MCF2L2: variants seen among roughly 807,000 people sequenced by gnomAD.
MCF2L2 encodes probable guanine nucleotide exchange factor MCF2L2.
MCF2L2 carries 102 observed loss-of-function variants against 150.2 expected under a neutral mutation model. The ratio of observed to expected loss-of-function variants is 0.68; its 90% confidence interval spans 0.58 to 0.80. The LOEUF (loss-of-function observed/expected upper bound fraction) is 0.80, where lower values mean the gene tolerates loss of function less well. Among genes scored for constraint, MCF2L2 ranks in the 30% least tolerant of loss-of-function variants. The pLI is 0.00. For missense variants in MCF2L2, 1,256 were observed against 1,372.8 expected, an observed-to-expected ratio of 0.91 and a Z score of 1.34; for synonymous variants, 465 against 491.3, an observed-to-expected ratio of 0.95 and a Z score of 0.71.
At chr3:183,409,990 T>A (rs1715242739) in intron 1 of MCF2L2, among the ~76,000 whole-genome samples, 1 of 152,194 alleles carries the variant, frequency 6.6e-6, no homozygotes, top group African/African-American at 2.4e-5. Context: ...GGTCATTCTT[T>A]CTTTCAAGGT....
At chr3:183,269,713 A>G (rs1270197043) in intron 15 of MCF2L2, 2 of 1,221,312 alleles carry the variant, frequency 1.6e-6, no homozygotes, top group East Asian at 2.3e-5. Context: ...ATGGACACCT[A>G]CTCTACGAAA....
chr3:183,321,007 G>A (rs1729788057), intron 6 of MCF2L2, among the ~76,000 whole-genome samples: 1 of 152,204 alleles, frequency 6.6e-6, no homozygotes, highest in Non-Finnish European at 1.5e-5. Context: ...GACAGGTGAT[G>A]ACCAGTTGGT....
intron 5 of MCF2L2, among the ~76,000 whole-genome samples, chr3:183,328,807 T>C (rs1165675965): frequency 1.3e-5 from 2 of 151,964 alleles, no homozygotes; most frequent in East Asian, 3.9e-4. Flanking sequence ...ATCCAGAACA[T>C]ATAAAGAACT....
rs1721538483 is a variant in MCF2L2, at chr3:183,181,947, G to GT, written c.3017-1789dup. Among the ~76,000 whole-genome samples the GT allele has an allele frequency of 6.6e-6, 1 of 152,122 alleles. No homozygotes were observed. The highest frequency in any genetic ancestry group is 1.5e-5 in the Non-Finnish European group (1 of 67,998). The stretch of plus-strand genomic sequence containing the variant: ...GTGGTACCTCCAGGTAAAATGATTA[G>GT]TTGGTTCCAGCCCCTCTGCAGGGTA... On this transcript the variant is annotated intron_variant, in intron 27 of 29. Coordinates refer to ENST00000328913, the MANE Select transcript of MCF2L2 (RefSeq NM_015078.4). The surrounding 1 kb of genome is among the most constrained non-coding windows in gnomAD (Gnocchi z 4.3).
At chr3:183,389,591 G>T in intron 2 of MCF2L2, 105 bp downstream of exon 2, 1 of 944,544 alleles carries the variant, frequency 1.1e-6, no homozygotes, top group African/African-American at 1.6e-5. Flanking sequence ...AGCCTAAGGG[G>T]TGAGTGAGAT....
rs144237943 is a variant in MCF2L2 at position 183,420,741 on chromosome 3, C to T, written c.76+7161G>A. ...GCAAAGGGGAAGTAAGGCACATCTT[C>T]GCAAGGCAGCAGGAGAGAGAGTGCT... On this transcript the variant is annotated intron_variant, in intron 1 of 29. Transcript: ENST00000328913. Among the ~76,000 whole-genome samples, 141 of 152,306 alleles carry T rather than the reference C, an allele frequency of 9.3e-4. 1 individual carries two copies. Among genetic ancestry groups the T allele is most frequent in the Non-Finnish European group, 1.7e-3 (114 of 68,030 alleles).
intron 2 of MCF2L2, among the ~76,000 whole-genome samples, chr3:183,379,621 T>A (rs902521039): frequency 1.3e-5 from 2 of 152,214 alleles, no homozygotes; most frequent in African/African-American, 4.8e-5. Flanking sequence ...AATTTTTGAA[T>A]CCTTTGAAGA....
intron 15 of MCF2L2, chr3:183,276,671 T>C (rs1029446726): frequency 4.5e-6 from 2 of 447,490 alleles, no homozygotes; most frequent in African/African-American, 4.1e-5. Context: ...GTTTCTAAGA[T>C]GTCACTTTAA....
chr3:183,179,190 C>A lies in MCF2L2; in HGVS notation c.*190G>T. The A allele has an allele frequency of 1.4e-6, 1 of 712,160 alleles. No homozygotes were observed. 44.1% of individuals were successfully genotyped at this position (712,160 alleles called of 1,614,324 possible). A position where few individuals can be genotyped will look rare whatever the true frequency, so the allele number is the denominator to read the frequency against. ...CGCCTTAGAGCAGCTCCGAGGTCCC[C>A]CGTGCGGAGCTAGGCGCGCACCCAG... On this transcript the variant is annotated 3_prime_UTR_variant, in exon 30 of 30. Coordinates refer to ENST00000328913, the MANE Select transcript of MCF2L2 (RefSeq NM_015078.4). The surrounding 1 kb of genome is among the most constrained non-coding windows in gnomAD (Gnocchi z 4.2).
intron 1 of MCF2L2, among the ~76,000 whole-genome samples, chr3:183,426,929 A>G (rs1716192385): frequency 6.6e-6 from 1 of 152,246 alleles, no homozygotes; most frequent in South Asian, 2.1e-4. Context: ...TACAGCAAAC[A>G]CGTTGGACTA....
chr3:183,257,723 A>G (rs1202220684), intron 15 of MCF2L2, among the ~76,000 whole-genome samples: 1 of 152,198 alleles, frequency 6.6e-6, no homozygotes, highest in Non-Finnish European at 1.5e-5. Context: ...ACAGGCAGAC[A>G]CTGGGTTATA....
rs566080963 is a variant in MCF2L2 at position 183,343,254 on chromosome 3, C to A, written c.276-1624G>T. 6.6e-5 allele frequency among the ~76,000 whole-genome samples: 10 copies of A among 152,202 alleles called. No homozygotes were observed. The South Asian group carries it at 2.1e-3, about 32-fold the overall frequency. ...GAACAAATTCCAGAGAGACTTAAGA[C>A]CTTCCATAGAGAGCAAATACTAGAG... On this transcript the variant is annotated intron_variant, in intron 3 of 29. Transcript: ENST00000328913.
chr3:183,266,829 C>G (rs1726182871), intron 15 of MCF2L2, among the ~76,000 whole-genome samples: 1 of 151,162 alleles, frequency 6.6e-6, no homozygotes, highest in African/African-American at 2.5e-5. Flanking sequence ...TTCTGTCACC[C>G]AGGCTGGAGT....
intron 1 of MCF2L2, among the ~76,000 whole-genome samples, chr3:183,390,730 C>CCA (rs1241995315): frequency 6.6e-6 from 1 of 152,072 alleles, no homozygotes; most frequent in Non-Finnish European, 1.5e-5. Flanking sequence ...GATCTTGTCT[C>CCA]CACAAAAAAT....
At chr3:183,335,411 T>C (rs1047430221) in intron 5 of MCF2L2, among the ~76,000 whole-genome samples, 20 of 152,172 alleles carry the variant, frequency 1.3e-4, no homozygotes, top group Non-Finnish European at 2.2e-4. Flanking sequence ...ATTCTAAACA[T>C]ACATATACAC....
intron 5 of MCF2L2, among the ~76,000 whole-genome samples, chr3:183,323,848 T>C (rs1691579522): frequency 6.6e-6 from 1 of 151,692 alleles, no homozygotes; most frequent in African/African-American, 2.4e-5. Flanking sequence ...TAAAGTCTCT[T>C]CCATTTTTTG....
intron 15 of MCF2L2, among the ~76,000 whole-genome samples, chr3:183,275,933 A>G (rs543299626): frequency 6.6e-6 from 1 of 152,314 alleles, no homozygotes; most frequent in African/African-American, 2.4e-5. Flanking sequence ...GCCTGTTATA[A>G]GTTAATACAA....
chr3:183,227,525 C>A lies in MCF2L2; in HGVS notation c.2115+772G>T, dbSNP rs571192760. On this transcript the variant is annotated intron_variant, in intron 18 of 29. Coordinates refer to ENST00000328913, the MANE Select transcript of MCF2L2 (RefSeq NM_015078.4). The surrounding 1 kb of genome is among the most constrained non-coding windows in gnomAD (Gnocchi z 4.0). ...ATTTCCTGAGGTTTTTAGTTTAACA[C>A]CAGTGCTTCTCCTCTTGAGAGCATT... The A allele has an allele frequency of 9.2e-5, 14 of 152,320 alleles. No individual in the cohort carries two copies. Among genetic ancestry groups the A allele is most frequent in the African/African-American group, 2.9e-4 (12 of 41,576 alleles). 9.4% of individuals were successfully genotyped at this position (152,320 alleles called of 1,614,324 possible). A position where few individuals can be genotyped will look rare whatever the true frequency, so the allele number is the denominator to read the frequency against.
intron 2 of MCF2L2, among the ~76,000 whole-genome samples, chr3:183,384,994 CAGCCACT>C (rs1713751224): frequency 6.6e-6 from 1 of 152,160 alleles, no homozygotes; most frequent in South Asian, 2.1e-4. Context: ...CCGAATCCAA[CAGCCACT>C]AGACACATGT....
Sources: gnomAD v4.1 joint callset for allele counts (sites outside exome capture counted in the v4.1 genomes callset) on GRCh38, gnomAD v4.1.1 for gene constraint, Gnocchi (gnomAD v3.1) non-coding constraint, MANE v1.5 for transcripts, NCBI Gene and HGNC (gene_info 2026-07-23, HGNC 2026-07-21) for gene names.